Variants in RERG observed in about 807,000 individuals in gnomAD.
RERG encodes the protein RAS like estrogen regulated growth inhibitor, also known as ras-related and estrogen-regulated growth inhibitor.
A neutral mutation model predicts 23.2 loss-of-function variants in RERG; 25 were observed. The ratio of observed to expected loss-of-function variants is 1.08; its 90% CI spans 0.79 to 1.50. The LOEUF (loss-of-function observed/expected upper bound fraction) is 1.50, where lower values mean the gene tolerates loss of function less well. Among genes scored for constraint, RERG ranks in the 40% most tolerant of loss-of-function variants. The probability of loss-of-function intolerance (pLI) is 0.00; values close to 1 mark genes in which losing one functional copy is unlikely to be tolerated. For missense variants in RERG, 253 were observed against 250.1 expected (o/e 1.01, Z -0.08); for synonymous variants, 81 against 89.1 (o/e 0.91, Z 0.51).
intron 2 of RERG, among the ~76,000 whole-genome samples, chr12:15,189,836 G>A (rs1865045064): frequency 6.6e-6 from 1 of 152,130 alleles, no homozygotes; most frequent in Admixed American, 6.6e-5. Flanking sequence ...TCATGGAAAA[G>A]GCAGAAGGCC....
At chr12:15,165,144 G>C (rs1348697491) in intron 2 of RERG, among the ~76,000 whole-genome samples, 1 of 152,124 alleles carries the variant, frequency 6.6e-6, no homozygotes, top group Non-Finnish European at 1.5e-5. Context: ...AAAGCTGAAG[G>C]TTAAGGGAAG....
intron 2 of RERG, among the ~76,000 whole-genome samples, chr12:15,132,374 T>G (rs1470560854): frequency 9.2e-5 from 14 of 152,244 alleles, no homozygotes; most frequent in African/African-American, 2.7e-4. Context: ...CCTGGATTGA[T>G]CACTTATTTC....
chr12:15,213,742 A>C (rs929682447), intron 2 of RERG, among the ~76,000 whole-genome samples: 4 of 152,174 alleles, frequency 2.6e-5, no homozygotes, highest in African/African-American at 9.7e-5. Context: ...GTCAATGAAA[A>C]AGTTCTGGTA....
At chr12:15,142,799 C>A (rs1000570840) in intron 2 of RERG, among the ~76,000 whole-genome samples, 1 of 152,128 alleles carries the variant, frequency 6.6e-6, no homozygotes, top group African/African-American at 2.4e-5. Flanking sequence ...CCTGAAATAT[C>A]TTTATACATA....
At chr12:15,211,130 T>C (rs1865359889) in intron 2 of RERG, among the ~76,000 whole-genome samples, 1 of 152,092 alleles carries the variant, frequency 6.6e-6, no homozygotes, top group Admixed American at 6.5e-5. Context: ...CCCCTCTTCT[T>C]ACCTTGATTA....
At chr12:15,184,939 A>G (rs772658439) in intron 2 of RERG, among the ~76,000 whole-genome samples, 3 of 152,176 alleles carry the variant, frequency 2.0e-5, no homozygotes, top group Admixed American at 1.3e-4. Context: ...CTAATAAAAC[A>G]TTCCAATGGA....
intron 2 of RERG, among the ~76,000 whole-genome samples, chr12:15,146,715 ACT>A (rs1221236097): frequency 6.6e-6 from 1 of 152,028 alleles, no homozygotes; most frequent in African/African-American, 2.4e-5. Context: ...AAAGTGAATC[ACT>A]CTCTCCCAGG....
intron 2 of RERG, among the ~76,000 whole-genome samples, chr12:15,193,710 T>C (rs1441740319): frequency 6.6e-6 from 1 of 152,212 alleles, no homozygotes; most frequent in Non-Finnish European, 1.5e-5. Flanking sequence ...ACAAGAGTGC[T>C]GTACTTAGAG....
intron 3 of RERG, among the ~76,000 whole-genome samples, chr12:15,118,077 G>A (rs1863763669): frequency 6.6e-6 from 1 of 152,020 alleles, no homozygotes; most frequent in Non-Finnish European, 1.5e-5. Flanking sequence ...CGAAACACTC[G>A]GATGTTAAAG....
chr12:15,190,869 CAG>C (rs1865061332), intron 2 of RERG, among the ~76,000 whole-genome samples: 5 of 152,108 alleles, frequency 3.3e-5, no homozygotes, highest in Non-Finnish European at 5.9e-5. Context: ...TTCAAGGTCC[CAG>C]TTGGGATTGC....
chr12:15,113,905 T>C (rs1010569605), intron 3 of RERG, among the ~76,000 whole-genome samples: 3 of 152,012 alleles, frequency 2.0e-5, no homozygotes, highest in African/African-American at 7.2e-5. Flanking sequence ...TATATAACAT[T>C]ACTCCAAACA....
At chr12:15,214,837 A>C (rs1409152703) in intron 2 of RERG, among the ~76,000 whole-genome samples, 1 of 152,124 alleles carries the variant, frequency 6.6e-6, no homozygotes, top group East Asian at 1.9e-4. Context: ...ACAGAGGGAG[A>C]CCCAGTGTCT....
chr12:15,130,329 T>G (rs1161189381), intron 2 of RERG, among the ~76,000 whole-genome samples: 1 of 152,186 alleles, frequency 6.6e-6, no homozygotes, highest in Non-Finnish European at 1.5e-5. Context: ...GAAGAGGACT[T>G]AACTTATAAT....
rs192776784 is a variant in RERG at position 15,171,187 on chromosome 12, G to A, written c.61+46242C>T. On this transcript the variant is annotated intron_variant, in intron 2 of 4. Coordinates refer to ENST00000256953, the MANE Select transcript of RERG (RefSeq NM_032918.3). The stretch of plus-strand genomic sequence containing the variant: ...TTAGGAGGCTATAATCAAAGCTGGC[G>A]GTCAGAGCTGGTGTTGGACCTTCCT... 4.3e-3 allele frequency among the ~76,000 whole-genome samples: 657 copies of A among 152,266 alleles called. 1 individual carries two copies. Among genetic ancestry groups the A allele is most frequent in the African/African-American group, 8.2e-3 (339 of 41,552 alleles).
chr12:15,139,014 CTTTT>C (rs34755371), intron 2 of RERG, among the ~76,000 whole-genome samples: 69 of 51,114 alleles, frequency 1.3e-3, no homozygotes, highest in East Asian at 7.3e-3. Context: ...TGTGTCTAGA[CTTTT>C]TTTTTTTTTT....
Position 15,217,412 on chromosome 12 carries a change from C to A in RERG, c.61+17G>T. The A allele has an allele frequency of 6.3e-7, 1 of 1,592,458 alleles. No homozygotes were observed. The highest frequency in any genetic ancestry group is 8.6e-7 in the Non-Finnish European group (1 of 1,160,330). On this transcript the variant is annotated intron_variant, in intron 2 of 4. Transcript: ENST00000256953. ...ACCCACACACACACACTATAACAAC[C>A]ACAACGAAAATCTTACCTGACTTGC...
intron 2 of RERG, among the ~76,000 whole-genome samples, chr12:15,171,018 G>C (rs1864770429): frequency 6.6e-6 from 1 of 152,250 alleles, no homozygotes; most frequent in Non-Finnish European, 1.5e-5. Context: ...GAATTTAATT[G>C]GTGCATTTAT....
chr12:15,158,366 C>T (rs1477913842), intron 2 of RERG, among the ~76,000 whole-genome samples: 1 of 152,054 alleles, frequency 6.6e-6, no homozygotes, highest in African/African-American at 2.4e-5. Context: ...GCTGCAGCCT[C>T]GACCTCCTGG....
chr12:15,208,379 A>T (rs554023550), intron 2 of RERG, among the ~76,000 whole-genome samples: 92 of 152,324 alleles, frequency 6.0e-4, no homozygotes, highest in African/African-American at 1.9e-3. Flanking sequence ...GGAGACAGTC[A>T]AGTTCAGGCA....
Sources: gnomAD v4.1 joint callset for allele counts (sites outside exome capture counted in the v4.1 genomes callset) on GRCh38, gnomAD v4.1.1 for gene constraint, MANE v1.5 for transcripts, NCBI Gene and HGNC (gene_info 2026-07-23, HGNC 2026-07-21) for gene names.